RSRC1: variants seen among roughly 807,000 people sequenced by gnomAD.
RSRC1 encodes arginine and serine rich coiled-coil 1, also known as serine/Arginine-related protein 53.
In RSRC1, 39 loss-of-function variants were observed where a neutral mutation model predicts 49.1. The ratio of observed to expected loss-of-function variants is 0.79; its 90% CI spans 0.61 to 1.04. The LOEUF is 1.04. Ranked by LOEUF, RSRC1 falls within the 50% of genes least tolerant of loss-of-function variation. The pLI, the probability that RSRC1 is intolerant of heterozygous loss-of-function variation, is 0.00. For missense variants in RSRC1, 388 were observed against 402.4 expected (o/e 0.96, Z 0.31); for synonymous variants, 143 against 130.8 (o/e 1.09, Z -0.63).
chr3:158,284,937 C>T (rs1435600566), intron 4 of RSRC1, among the ~76,000 whole-genome samples: 2 of 151,954 alleles, frequency 1.3e-5, no homozygotes, highest in African/African-American at 4.8e-5. Flanking sequence ...GTTGCCATTG[C>T]TTTTGGTGTT....
At chr3:158,118,413 C>CTG (rs57257889) in intron 1 of RSRC1, among the ~76,000 whole-genome samples, 9,051 of 89,996 alleles carry the variant, frequency 0.1, 515 homozygotes, top group Non-Finnish European at 0.13. Context: ...ACCTGGCCTT[C>CTG]TGTGTGTGTG....
intron 7 of RSRC1, among the ~76,000 whole-genome samples, chr3:158,476,534 G>A (rs1053501973): frequency 5.3e-5 from 8 of 152,112 alleles, no homozygotes; most frequent in African/African-American, 1.2e-4. Flanking sequence ...TAGGGTCCTT[G>A]TGAATTATGC....
chr3:158,240,677 A>G (rs949981785), intron 4 of RSRC1, among the ~76,000 whole-genome samples: 2 of 152,166 alleles, frequency 1.3e-5, no homozygotes, highest in Non-Finnish European at 2.9e-5. Flanking sequence ...CATGGTCAAC[A>G]GTGGTCTGAA....
At chr3:158,155,213 A>G (rs1318627365) in intron 3 of RSRC1, among the ~76,000 whole-genome samples, 2 of 152,060 alleles carry the variant, frequency 1.3e-5, no homozygotes, top group Non-Finnish European at 2.9e-5. Flanking sequence ...AAGGTTTTCG[A>G]TTTACTTTGC....
At chr3:158,253,581 G>A (rs564491579) in intron 4 of RSRC1, among the ~76,000 whole-genome samples, 38 of 152,112 alleles carry the variant, frequency 2.5e-4, no homozygotes, top group African/African-American at 7.5e-4. Context: ...AATTAGGTCC[G>A]TTTCCTGGAT....
chr3:158,391,872 A>C (rs1733319242), intron 6 of RSRC1, among the ~76,000 whole-genome samples: 2 of 152,124 alleles, frequency 1.3e-5, no homozygotes, highest in Admixed American at 6.6e-5. Context: ...ACTGGAGGCA[A>C]AGGCATTGAA....
intron 4 of RSRC1, among the ~76,000 whole-genome samples, chr3:158,265,771 T>G (rs143328293): frequency 2.7e-3 from 418 of 152,366 alleles, no homozygotes; most frequent in African/African-American, 9.8e-3. Context: ...TTTTTCATTC[T>G]TAATGTTTGC....
intron 4 of RSRC1, among the ~76,000 whole-genome samples, chr3:158,296,754 A>G (rs1433872077): frequency 6.6e-6 from 1 of 152,084 alleles, no homozygotes; most frequent in African/African-American, 2.4e-5. Context: ...TTAAATATCT[A>G]AACATTGAAT....
chr3:158,487,949 G>GGAAAAAAAAAAAAAAA lies in RSRC1; in HGVS notation c.652+26946_652+26947insGAAAAAAAAAAAAAAA, dbSNP rs1553814781. Among the ~76,000 whole-genome samples the GGAAAAAAAAAAAAAAA allele has an allele frequency of 4.1e-3, 118 of 28,894 alleles. 13 individuals carry two copies. Among genetic ancestry groups the GGAAAAAAAAAAAAAAA allele is most frequent in the East Asian group, 7.3e-3 (7 of 960 alleles). 19.0% of individuals were successfully genotyped at this position (28,894 alleles called of 152,430 possible). On this transcript the variant is annotated intron_variant, in intron 7 of 9. Transcript: ENST00000611884. ...TAGGAGACAAGAGACTCCATCTCAAGAAAAAAAAAAAAAAAAAAAAAAAAA... is the reference window on the plus strand; with the variant it reads ...TAGGAGACAAGAGACTCCATCTCAAGGAAAAAAAAAAAAAAAAAAAAAAAAAAAAAAAAAAAAAAAA...
chr3:158,192,818 T>C (rs537992816), intron 3 of RSRC1, among the ~76,000 whole-genome samples: 1 of 152,216 alleles, frequency 6.6e-6, no homozygotes, highest in East Asian at 1.9e-4. Context: ...CCGAGGGTTA[T>C]CTGTGAAGAC....
chr3:158,466,810 C>A (rs1487381961), intron 7 of RSRC1, among the ~76,000 whole-genome samples: 1 of 152,120 alleles, frequency 6.6e-6, no homozygotes, highest in Non-Finnish European at 1.5e-5. Flanking sequence ...ATCTGTAATC[C>A]CAGCACTTTG....
At chr3:158,452,438 T>C (rs564944468) in intron 6 of RSRC1, among the ~76,000 whole-genome samples, 39 of 152,338 alleles carry the variant, frequency 2.6e-4, no homozygotes, top group African/African-American at 8.7e-4. Flanking sequence ...TCAGAAAATG[T>C]TCTTACATGT....
chr3:158,218,631 T>C lies in RSRC1; in HGVS notation c.494+15386T>C, dbSNP rs566844833. On this transcript the variant is annotated intron_variant, in intron 4 of 9. Coordinates refer to ENST00000611884, the MANE Select transcript of RSRC1 (RefSeq NM_001271838.2). ...GGAGGATATATTGTAGGTGCAGAAC[T>C]CAGGAGAGTTTTAACATGGTCTCAG... Among the ~76,000 whole-genome samples, 3 of 151,752 alleles carry C rather than the reference T, an allele frequency of 2.0e-5. 1 individual carries two copies. In the South Asian group the frequency reaches 6.2e-4, roughly 31 times the overall value.
chr3:158,281,176 G>A (rs1232793721), intron 4 of RSRC1, among the ~76,000 whole-genome samples: 8 of 152,074 alleles, frequency 5.3e-5, no homozygotes, highest in Non-Finnish European at 8.8e-5. Context: ...TTTGTAGGGG[G>A]AAAAAGAAGA....
chr3:158,356,165 A>C (rs567062141), intron 6 of RSRC1, among the ~76,000 whole-genome samples: 77 of 152,050 alleles, frequency 5.1e-4, no homozygotes, highest in Non-Finnish European at 1.1e-3. Context: ...ATGATGGGGG[A>C]CTACTGTATA....
At chr3:158,246,422 A>G (rs1723901906) in intron 4 of RSRC1, among the ~76,000 whole-genome samples, 1 of 151,440 alleles carries the variant, frequency 6.6e-6, no homozygotes, top group Non-Finnish European at 1.5e-5. Flanking sequence ...TAGCATTGTT[A>G]TGTGTAGATT....
chr3:158,212,382 C>T (rs982730845), intron 4 of RSRC1, among the ~76,000 whole-genome samples: 17 of 151,484 alleles, frequency 1.1e-4, no homozygotes, highest in African/African-American at 3.4e-4. Context: ...AAAAAAAATC[C>T]TATGTAACTT....
chr3:158,528,266 T>A (rs752992712), intron 7 of RSRC1, among the ~76,000 whole-genome samples: 15 of 151,920 alleles, frequency 9.9e-5, no homozygotes, highest in Admixed American at 3.9e-4. Flanking sequence ...GCATTAAAAA[T>A]TAATGCTAAT....
intron 5 of RSRC1, among the ~76,000 whole-genome samples, chr3:158,349,353 T>G (rs1486982354): frequency 6.6e-6 from 1 of 152,194 alleles, no homozygotes; most frequent in African/African-American, 2.4e-5. Context: ...TTTCATGTGT[T>G]TGTTGGCCAC....
Sources: gnomAD v4.1 joint callset for allele counts (sites outside exome capture counted in the v4.1 genomes callset) on GRCh38, gnomAD v4.1.1 for gene constraint, MANE v1.5 for transcripts, NCBI Gene and HGNC (gene_info 2026-07-23, HGNC 2026-07-21) for gene names.